The following PDZK1 variants were observed in gnomAD, a reference collection of about 807,000 sequenced individuals.
The protein encoded by PDZK1 is Na(+)/H(+) exchange regulatory cofactor NHE-RF3.
A neutral mutation model predicts 38.1 loss-of-function variants in PDZK1; 23 were observed. The ratio of observed to expected loss-of-function variants is 0.60; its 90% CI spans 0.43 to 0.85. The LOEUF is 0.85. PDZK1 is among the 40% of genes least tolerant of loss of function. The probability of loss-of-function intolerance (pLI) is 0.00; values close to 1 mark genes in which losing one functional copy is unlikely to be tolerated. For missense variants in PDZK1, 297 were observed against 504.3 expected (o/e 0.59, Z 3.94); for synonymous variants, 98 against 186.2 (o/e 0.53, Z 3.86).
chr1:145,683,343 G>A (rs1314401841), intron 3 of PDZK1, among the ~76,000 whole-genome samples: 8 of 152,204 alleles, frequency 5.3e-5, no homozygotes, highest in Admixed American at 2.0e-4. Context: ...ACCAGAAAGC[G>A]CTAAAACATG....
intron 6 of PDZK1, 179 bp from the exon 7 acceptor site, chr1:145,674,060 G>A: frequency 8.5e-6 from 6 of 707,100 alleles, no homozygotes; most frequent in Non-Finnish European, 1.0e-5. Context: ...AAAGAAGACT[G>A]TGCTTCGTTA....
intron 1 of PDZK1, among the ~76,000 whole-genome samples, chr1:145,701,875 A>G (rs143583388): frequency 4.5e-4 from 68 of 152,372 alleles, no homozygotes; most frequent in African/African-American, 1.6e-3. Flanking sequence ...TATGCAGATC[A>G]TATTTAAGGC....
chr1:145,686,331 G>C, intron 3 of PDZK1, 146 bp downstream of exon 3: 2 of 746,874 alleles, frequency 2.7e-6, no homozygotes, highest in Non-Finnish European at 2.2e-6. Flanking sequence ...AGTGAGAGAC[G>C]GAGGGAGGCA....
intron 1 of PDZK1, among the ~76,000 whole-genome samples, chr1:145,704,559 C>T (rs1230322355): frequency 1.3e-5 from 2 of 152,084 alleles, no homozygotes; most frequent in African/African-American, 2.4e-5. Context: ...TCTAATATGC[C>T]CATTTGACTG....
intron 2 of PDZK1, 34 bp downstream of exon 2, chr1:145,687,778 A>C: frequency 6.5e-7 from 1 of 1,538,968 alleles, no homozygotes; most frequent in South Asian, 1.1e-5. Context: ...GGCTGAAGAG[A>C]TCCTGGAAGA....
rs185930746 is a variant in PDZK1, at chr1:145,699,194, C to T, written c.-3+8123G>A. ...CAAAGGTTGCAGTGAGCTGAGATCA[C>T]GCCATTACACTCCAGCCTGGGCAAC... On this transcript the variant is annotated intron_variant, in intron 1 of 8. Transcript: ENST00000417171. Among the ~76,000 whole-genome samples, 316 of 151,950 alleles carry T rather than the reference C, an allele frequency of 2.1e-3. 1 individual carries two copies. Among genetic ancestry groups the T allele is most frequent in the African/African-American group, 7.3e-3 (302 of 41,436 alleles).
intron 1 of PDZK1, among the ~76,000 whole-genome samples, chr1:145,690,269 G>C (rs1553702877): frequency 6.6e-6 from 1 of 152,022 alleles, no homozygotes; most frequent in East Asian, 1.9e-4. Context: ...TTCAGTTTCA[G>C]CTTGAGTTCA....
At chr1:145,705,819 C>T (rs782600883) in intron 1 of PDZK1, among the ~76,000 whole-genome samples, 23 of 152,258 alleles carry the variant, frequency 1.5e-4, no homozygotes, top group Admixed American at 2.6e-4. Context: ...GATGCAATCA[C>T]GGCTCACTGT....
intron 1 of PDZK1, among the ~76,000 whole-genome samples, chr1:145,692,462 G>A (rs1308388491): frequency 1.3e-5 from 2 of 152,158 alleles, no homozygotes; most frequent in African/African-American, 2.4e-5. Context: ...TGTAATCCCA[G>A]CACTTTGGGA....
chr1:145,676,401 A>G (rs1218838550), intron 6 of PDZK1, among the ~76,000 whole-genome samples: 3 of 151,704 alleles, frequency 2.0e-5, no homozygotes, highest in Non-Finnish European at 2.9e-5. Flanking sequence ...CTAGCTCCCT[A>G]TGGCTTCTCT....
intron 1 of PDZK1, among the ~76,000 whole-genome samples, chr1:145,706,388 A>C (rs777822479): frequency 1.4e-4 from 22 of 152,238 alleles, no homozygotes; most frequent in Non-Finnish European, 2.9e-4. Flanking sequence ...AATTTGCTGC[A>C]GACTTCAGAT....
intron 1 of PDZK1, among the ~76,000 whole-genome samples, chr1:145,697,763 ATTTTTTTTTTT>A (rs10564713): frequency 6.7e-5 from 3 of 44,938 alleles, no homozygotes; most frequent in African/African-American, 9.8e-5. Context: ...TGCCCAGCTA[ATTTTTTTTTTT>A]TTTTTTTTTT....
In PDZK1 at chr1:145,676,908, G is replaced by A. The variant is rs1653736327; in HGVS notation, c.990+1541C>T. ...AGTTCTTGAAACCGGACACAATATT[G>A]ATTGAACAAATAGAACATTTAGATG... is the stretch of plus-strand genomic sequence containing the variant. On this transcript the variant is annotated intron_variant, in intron 6 of 8. Coordinates refer to ENST00000417171, the MANE Select transcript of PDZK1 (RefSeq NM_001201325.2). Among the ~76,000 whole-genome samples, 4 of 151,906 alleles carry A rather than the reference G, an allele frequency of 2.6e-5. No individual in the cohort carries two copies. In the South Asian group the frequency reaches 8.3e-4, roughly 32 times the overall value.
In PDZK1 at chr1:145,673,733, C is replaced by T; in HGVS notation, c.1139G>A (p.Arg380Lys). The T allele has an allele frequency of 6.2e-7, 1 of 1,611,600 alleles. No individual in the cohort carries two copies. The highest frequency in any genetic ancestry group is 8.5e-7 in the Non-Finnish European group (1 of 1,179,764). The change falls in exon 7 of 9, where the codon AGG (arginine) becomes AAG (lysine). Residue 380 changes from arginine (R) to lysine (K), a missense_variant. Physicochemically the swap from Arg to Lys is conservative, Grantham distance 26. Around this residue, in one of 5 missense-constraint regions of PDZK1, gnomAD observed 49 missense variants for 135.6 expected, o/e 0.36. Coordinates refer to ENST00000417171, the MANE Select transcript of PDZK1 (RefSeq NM_001201325.2). ...EEVDHKPKLCRLAKGENGYGF... is the reference protein window; with the variant it reads ...EEVDHKPKLCKLAKGENGYGF... The stretch of plus-strand genomic sequence containing the variant: ...ATAGCCATTTTCACCTTTAGCCAGC[C>T]TGCAGAGTTTAGGCTTATGATCTAC...
chr1:145,704,588 A>C (rs1008422790), intron 1 of PDZK1, among the ~76,000 whole-genome samples: 1 of 152,196 alleles, frequency 6.6e-6, no homozygotes, highest in Admixed American at 6.5e-5. Flanking sequence ...ATAGAAGCTT[A>C]GAGAGCCTGA....
chr1:145,685,799 A>C (rs1214094460), intron 3 of PDZK1, among the ~76,000 whole-genome samples: 1 of 152,158 alleles, frequency 6.6e-6, no homozygotes, highest in Non-Finnish European at 1.5e-5. Flanking sequence ...GTTAGTCTGC[A>C]CCTCTGAAAT....
intron 1 of PDZK1, among the ~76,000 whole-genome samples, chr1:145,704,374 A>G (rs1425245588): frequency 3.3e-5 from 5 of 152,184 alleles, no homozygotes; most frequent in African/African-American, 1.2e-4. Flanking sequence ...TCTAGTTGCC[A>G]CTAAGTGGGC....
chr1:145,690,184 G>A (rs991390954), intron 1 of PDZK1, among the ~76,000 whole-genome samples: 1 of 152,098 alleles, frequency 6.6e-6, no homozygotes, highest in Non-Finnish European at 1.5e-5. Context: ...TCACATCCAG[G>A]CACCTGTTTG....
At position 145,690,627 on chromosome 1, in the gene PDZK1, A is replaced by T. The variant is rs182320655; in HGVS notation, c.-2-2604T>A. Among the ~76,000 whole-genome samples, 22 of 152,316 alleles carry T rather than the reference A, an allele frequency of 1.4e-4. No individual in the cohort carries two copies. The East Asian group carries it at 3.3e-3, about 23-fold the overall frequency. On this transcript the variant is annotated intron_variant, in intron 1 of 8. Transcript: ENST00000417171. ...AGATGAGGCTGTTTGTGATCAGCAT[A>T]TGAATGCTCATTTCTAAGGCACTCA...
Sources: allele counts gnomAD v4.1 joint callset (sites outside exome capture counted in the v4.1 genomes callset), GRCh38; gene constraint gnomAD v4.1.1; regional missense constraint gnomAD v4.1.1; transcripts MANE v1.5; gene names NCBI Gene and HGNC (gene_info 2026-07-23, HGNC 2026-07-21).